The following DUS2 variants were observed in gnomAD, a reference collection of about 807,000 sequenced individuals.
DUS2 encodes tRNA-dihydrouridine(20) synthase [NAD(P)+]-like.
DUS2 carries 52 observed loss-of-function variants against 71.3 expected under a neutral mutation model. The ratio of observed to expected loss-of-function variants is 0.73; its 90% CI spans 0.58 to 0.92. The LOEUF is 0.92. Ranked by LOEUF, DUS2 falls within the 40% of genes least tolerant of loss-of-function variation. DUS2 has a pLI of 0.00. For missense variants in DUS2, 558 were observed against 622.6 expected, an observed-to-expected ratio of 0.90 and a Z score of 1.10; for synonymous variants, 204 against 227.8, an observed-to-expected ratio of 0.90 and a Z score of 0.94.
chr16:68,045,923 A>G (rs924608114), intron 3 of DUS2, among the ~76,000 whole-genome samples: 1 of 152,014 alleles, frequency 6.6e-6, no homozygotes, highest in African/African-American at 2.4e-5. Context: ...TCACCATGTT[A>G]ATCAGACTGG....
intron 3 of DUS2, among the ~76,000 whole-genome samples, chr16:68,045,324 G>A (rs1161255105): frequency 6.6e-6 from 1 of 151,868 alleles, no homozygotes; most frequent in African/African-American, 2.4e-5. Flanking sequence ...AGATCACATC[G>A]GCCCAGCGTG....
At chr16:68,070,036 C>T in intron 10 of DUS2, 98 bp from the exon 11 acceptor site, 1 of 1,082,668 alleles carries the variant, frequency 9.2e-7, no homozygotes, top group Non-Finnish European at 1.4e-6. Flanking sequence ...TCCTGAGGTT[C>T]AGTGGGGAGG....
intron 13 of DUS2, 42 bp from the exon 14 acceptor site, chr16:68,075,313 C>T: frequency 6.6e-7 from 1 of 1,506,472 alleles, no homozygotes. Flanking sequence ...TGGATGCTGG[C>T]TCCGCTAAAG....
intron 2 of DUS2, among the ~76,000 whole-genome samples, chr16:68,025,865 A>G (rs1237125143): frequency 3.3e-5 from 5 of 152,200 alleles, no homozygotes; most frequent in Non-Finnish European, 7.3e-5. Context: ...TAATAATGGT[A>G]TATTCATTCA....
At position 68,078,938 on chromosome 16, in the gene DUS2, C is replaced by T; in HGVS notation, c.1434C>T (p.Pro478=). ...LAQPGDLCKK[P]FVALGSGEES... is the part of the protein sequence containing the mutation. Reference sequence around the variant, plus strand: ...AACCTGGGGATCTGTGCAAGAAGCCCTTTGTGGCCTTGGGAAGTGGTGAAG... The same window carrying T: ...AACCTGGGGATCTGTGCAAGAAGCCTTTTGTGGCCTTGGGAAGTGGTGAAG... The change falls in exon 17 of 17, where the codon CCC becomes CCT. Residue 478 remains proline (P), a synonymous_variant. Transcript: ENST00000565263. 6.3e-7 allele frequency: 1 copy of T among 1,599,118 alleles called. No homozygotes were observed. Among genetic ancestry groups the T allele is most frequent in the South Asian group, 1.1e-5 (1 of 89,900 alleles).
At chr16:68,051,821 G>C (rs2033782551) in intron 4 of DUS2, among the ~76,000 whole-genome samples, 1 of 152,164 alleles carries the variant, frequency 6.6e-6, no homozygotes, top group Admixed American at 6.5e-5. Flanking sequence ...TATTTTCTCT[G>C]TAAGTCCCAT....
chr16:68,031,528 C>G (rs2033438887), intron 2 of DUS2, among the ~76,000 whole-genome samples: 1 of 152,100 alleles, frequency 6.6e-6, no homozygotes, highest in African/African-American at 2.4e-5. Context: ...CTTCCTTTTC[C>G]CCTTCTGTCA....
rs1598315990 is a variant in DUS2 at position 68,066,712 on chromosome 16, A to AC, written c.554+80dup. ...GTGATCCTTCCTTAATTGATCTGTCACCCCAAGTGACAGCCAATTTCTCTT... is the reference window on the plus strand; with the variant it reads ...GTGATCCTTCCTTAATTGATCTGTCACCCCCAAGTGACAGCCAATTTCTCTT... On this transcript the variant is annotated intron_variant, in intron 10 of 16. Transcript: ENST00000565263. 2.1e-6 allele frequency: 3 copies of AC among 1,431,590 alleles called. No individual in the cohort carries two copies. The East Asian group carries it at 6.8e-5, about 33-fold the overall frequency. 88.7% of individuals were successfully genotyped at this position (1,431,590 alleles called of 1,614,324 possible). A position where few individuals can be genotyped will look rare whatever the true frequency, so the allele number is the denominator to read the frequency against.
rs569760599 is a variant in DUS2 at position 68,031,365 on chromosome 16, A to G, written c.-19+5871A>G. Reference sequence around the variant, plus strand: ...TTTTTAGTAGAGACGGGGTTTCACCATGTTGGCCAGGATGGTCTTGATCTC... The same window carrying G: ...TTTTTAGTAGAGACGGGGTTTCACCGTGTTGGCCAGGATGGTCTTGATCTC... On this transcript the variant is annotated intron_variant, in intron 2 of 16. Coordinates refer to ENST00000565263, the MANE Select transcript of DUS2 (RefSeq NM_017803.5). Among the ~76,000 whole-genome samples, 1,091 of 151,518 alleles carry G rather than the reference A, an allele frequency of 7.2e-3. 19 individuals carry two copies. The highest frequency in any genetic ancestry group is 0.025 in the African/African-American group (1,038 of 41,340).
At chr16:68,026,897 G>C (rs181713758) in intron 2 of DUS2, 2 of 90,372 alleles carry the variant, frequency 2.2e-5, no homozygotes, top group African/African-American at 1.0e-4. Context: ...AAAAAAAAAA[G>C]CACAGCTATG....
Position 68,066,638 on chromosome 16 carries a change from T to C in DUS2, c.554+2T>C, listed in dbSNP as rs2034008993. ...TGCTGCCATCGCAGTTCATGGGAGGTGAGTGGTCACCTTTCTAGTGACTGG... is the reference window on the plus strand; with the variant it reads ...TGCTGCCATCGCAGTTCATGGGAGGCGAGTGGTCACCTTTCTAGTGACTGG... On this transcript the variant is annotated splice_donor_variant, in intron 10 of 16. Transcript: ENST00000565263. LOFTEE classifies it high-confidence loss of function. 1 of 1,613,792 alleles carries C rather than the reference T, an allele frequency of 6.2e-7. No individual in the cohort carries two copies. The highest frequency in any genetic ancestry group is 1.3e-5 in the African/African-American group (1 of 74,876).
chr16:68,047,459 TG>T (rs2033720683), intron 3 of DUS2, among the ~76,000 whole-genome samples: 1 of 151,316 alleles, frequency 6.6e-6, no homozygotes, highest in Non-Finnish European at 1.5e-5. Flanking sequence ...ACAAAGTTTT[TG>T]TTGTTGTTGT....
rs188423574 is a variant in DUS2 at position 68,055,687 on chromosome 16, A to G, written c.309-677A>G. Among the ~76,000 whole-genome samples, 54 of 152,182 alleles carry G rather than the reference A, an allele frequency of 3.5e-4. No individual in the cohort carries two copies. In the East Asian group the frequency reaches 6.4e-3, roughly 18 times the overall value. The stretch of plus-strand genomic sequence containing the variant: ...TAAATGTCTTTGCAGCATGTGGCAC[A>G]TACTGACATCTTAGTAAGTGTTAGC... On this transcript the variant is annotated intron_variant, in intron 6 of 16. Coordinates refer to ENST00000565263, the MANE Select transcript of DUS2 (RefSeq NM_017803.5).
intron 7 of DUS2, among the ~76,000 whole-genome samples, chr16:68,056,862 TTA>T (rs111575529): frequency 0.033 from 4,855 of 145,188 alleles, 256 homozygotes; most frequent in African/African-American, 0.11. Flanking sequence ...TATATATTAT[TTA>T]TATGTTATAT....
At chr16:68,050,659 ATGTATCTATATCTATATC>A (rs921633851) in intron 4 of DUS2, among the ~76,000 whole-genome samples, 3 of 152,156 alleles carry the variant, frequency 2.0e-5, no homozygotes, top group African/African-American at 7.2e-5. Context: ...AGGAAAAAAA[ATGTATCTATATCTATATC>A]TGTATCTATA....
rs2033851532 is a variant in DUS2 at position 68,056,407 on chromosome 16, A to G, written c.352A>G (p.Lys118Glu). 1 of 1,613,632 alleles carries G rather than the reference A, an allele frequency of 6.2e-7. No individual in the cohort carries two copies. Among genetic ancestry groups the G allele is most frequent in the South Asian group, 1.1e-5 (1 of 91,012 alleles). Residue 118 changes from lysine to glutamate, a missense_variant, in exon 7 of 17, where the codon AAA becomes GAA. Physicochemically the swap from Lys to Glu is moderately conservative, Grantham distance 56 (BLOSUM62 1). Coordinates refer to ENST00000565263, the MANE Select transcript of DUS2 (RefSeq NM_017803.5). ...AGIDVNMGCP[K>E]QYSTKGGMGA... is the part of the protein sequence containing the mutation. Reference sequence around the variant, plus strand: ...TATTGATGTCAACATGGGCTGTCCAAAACAATATTCCACCAAGGTAAACTG... The same window carrying G: ...TATTGATGTCAACATGGGCTGTCCAGAACAATATTCCACCAAGGTAAACTG...
intron 10 of DUS2, 70 bp downstream of exon 10, chr16:68,066,706 T>G: frequency 6.7e-7 from 1 of 1,489,460 alleles, no homozygotes; most frequent in South Asian, 1.1e-5. Flanking sequence ...CCTTAATTGA[T>G]CTGTCACCCC....
At chr16:68,061,233 G>A in intron 8 of DUS2, 120 bp downstream of exon 8, 2 of 1,097,998 alleles carry the variant, frequency 1.8e-6, no homozygotes, top group Non-Finnish European at 2.6e-6. Context: ...CTCTCCCTGA[G>A]GCCTAGCGAT....
intron 12 of DUS2, among the ~76,000 whole-genome samples, chr16:68,073,697 C>A (rs2034117973): frequency 6.6e-6 from 1 of 152,160 alleles, no homozygotes; most frequent in Non-Finnish European, 1.5e-5. Flanking sequence ...GATCCGCCCG[C>A]CTTGGCCTCC....
Sources: gnomAD v4.1 joint callset for allele counts (sites outside exome capture counted in the v4.1 genomes callset) on GRCh38, gnomAD v4.1.1 for gene constraint, MANE v1.5 for transcripts, NCBI Gene and HGNC (gene_info 2026-07-23, HGNC 2026-07-21) for gene names.